Variants in CSNK2A2IP observed in about 807,000 individuals in gnomAD.
CSNK2A2IP encodes casein kinase 2 subunit alpha' interacting protein, also known as casein kinase II subunit alpha'-interacting protein.
chr3:88,360,927 T>G, the CSNK2A2IP span, among the ~76,000 whole-genome samples: 1 of 152,166 alleles, frequency 6.6e-6, no homozygotes, highest in African/African-American at 2.4e-5. Context: ...AACTTAGATC[T>G]TATCACAATA....
At chr3:88,421,737 T>C in the CSNK2A2IP span, among the ~76,000 whole-genome samples, 2 of 152,078 alleles carry the variant, frequency 1.3e-5, no homozygotes, top group African/African-American at 4.8e-5. Context: ...TTAAAATTAT[T>C]TTTATTTTAC....
the CSNK2A2IP span, among the ~76,000 whole-genome samples, chr3:88,418,194 T>C: frequency 1.3e-5 from 2 of 152,144 alleles, no homozygotes; most frequent in Admixed American, 6.5e-5. Context: ...GGTAATTTCA[T>C]TGGAATGTTT....
the CSNK2A2IP span, among the ~76,000 whole-genome samples, chr3:88,444,646 T>C: frequency 6.6e-6 from 1 of 152,196 alleles, no homozygotes; most frequent in Non-Finnish European, 1.5e-5. Flanking sequence ...GTTTAATGCA[T>C]TTGGAAGAAA....
chr3:88,449,472 C>G, the CSNK2A2IP span, among the ~76,000 whole-genome samples: 4 of 151,930 alleles, frequency 2.6e-5, no homozygotes, highest in Non-Finnish European at 5.9e-5. Context: ...ATCTTCTTTC[C>G]TATCCATTTT....
chr3:88,340,509 G>C, the CSNK2A2IP span, among the ~76,000 whole-genome samples: 1 of 151,828 alleles, frequency 6.6e-6, no homozygotes, highest in African/African-American at 2.4e-5. Context: ...GTATTCTTTA[G>C]TACCAAGATC....
chr3:88,369,725 C>G, the CSNK2A2IP span, among the ~76,000 whole-genome samples: 1 of 151,932 alleles, frequency 6.6e-6, no homozygotes, highest in African/African-American at 2.4e-5. Context: ...TGGTGAGATA[C>G]TGGAGTTTGT....
At chr3:88,403,588 C>A in the CSNK2A2IP span, among the ~76,000 whole-genome samples, 1 of 152,048 alleles carries the variant, frequency 6.6e-6, no homozygotes, top group East Asian at 1.9e-4. Flanking sequence ...ATTTAGAAAG[C>A]AATAATAACA....
chr3:88,395,302 T>C, the CSNK2A2IP span, among the ~76,000 whole-genome samples: 1 of 152,236 alleles, frequency 6.6e-6, no homozygotes, highest in Non-Finnish European at 1.5e-5. Flanking sequence ...GTTTATAGTG[T>C]TAGCATTACA....
chr3:88,345,620 T>C, the CSNK2A2IP span, among the ~76,000 whole-genome samples: 1 of 151,874 alleles, frequency 6.6e-6, no homozygotes, highest in Non-Finnish European at 1.5e-5. Context: ...GATGTTACTG[T>C]TATAATTGTT....
chr3:88,422,064 G>A, the CSNK2A2IP span, among the ~76,000 whole-genome samples: 3 of 152,008 alleles, frequency 2.0e-5, no homozygotes, highest in African/African-American at 7.2e-5. Context: ...GTGTTTCTGT[G>A]GATCTCTCTG....
At chr3:88,406,191 C>G in the CSNK2A2IP span, among the ~76,000 whole-genome samples, 2 of 151,640 alleles carry the variant, frequency 1.3e-5, no homozygotes, top group Non-Finnish European at 2.9e-5. Context: ...TATTAAAAAC[C>G]AAAATAAATG....
At chr3:88,399,726 A>G in the CSNK2A2IP span, 1 of 152,182 alleles carries the variant, frequency 6.6e-6, no homozygotes, top group African/African-American at 2.4e-5. Flanking sequence ...TGCCACTCCA[A>G]CTACAATTAG....
the CSNK2A2IP span, among the ~76,000 whole-genome samples, chr3:88,441,521 A>G: frequency 0.014 from 2,072 of 152,284 alleles, 38 homozygotes; most frequent in African/African-American, 0.048. Flanking sequence ...GTTGCGTTAA[A>G]TACTTAAATG....
At chr3:88,353,887 C>T in the CSNK2A2IP span, among the ~76,000 whole-genome samples, 1 of 152,124 alleles carries the variant, frequency 6.6e-6, no homozygotes, top group Non-Finnish European at 1.5e-5. Context: ...TTTGGATATT[C>T]ATCCCCTCCA....
chr3:88,432,219 A>C, the CSNK2A2IP span, among the ~76,000 whole-genome samples: 1 of 152,058 alleles, frequency 6.6e-6, no homozygotes, highest in Middle Eastern at 3.5e-3. Flanking sequence ...TAATATTTTC[A>C]CAATTGTTTT....
chr3:88,457,989 T>G, the CSNK2A2IP span, among the ~76,000 whole-genome samples: 1 of 151,854 alleles, frequency 6.6e-6, no homozygotes, highest in East Asian at 1.9e-4. Flanking sequence ...TTTGGAAATT[T>G]GTGTCTTTCA....
At chr3:88,466,939 A>T in the CSNK2A2IP span, 4 of 1,231,410 alleles carry the variant, frequency 3.2e-6, no homozygotes, top group African/African-American at 6.2e-5. Context: ...TCTACCAGAG[A>T]CTTTCTCATC....
chr3:88,364,210 G>A, the CSNK2A2IP span, among the ~76,000 whole-genome samples: 7 of 151,990 alleles, frequency 4.6e-5, no homozygotes, highest in East Asian at 9.7e-4. Context: ...CCCATCTCTC[G>A]GGGATCCCTG....
the CSNK2A2IP span, among the ~76,000 whole-genome samples, chr3:88,443,624 C>CA: frequency 6.6e-6 from 1 of 151,958 alleles, no homozygotes; most frequent in African/African-American, 2.4e-5. Flanking sequence ...AGGGAAAGTC[C>CA]AAAAAGGACT....
Sources: gnomAD v4.1 joint callset for allele counts (sites outside exome capture counted in the v4.1 genomes callset) on GRCh38, gnomAD v4.1.1 for gene constraint, MANE v1.5 for transcripts, NCBI Gene and HGNC (gene_info 2026-07-23, HGNC 2026-07-21) for gene names.